The following PDE3A variants were observed in gnomAD, a reference collection of about 807,000 sequenced individuals.
PDE3A encodes the protein cGMP-inhibited 3',5'-cyclic phosphodiesterase 3A.
A neutral mutation model predicts 98.3 loss-of-function variants in PDE3A; 43 were observed. The observed-to-expected ratio is 0.44, with a 90% CI of 0.34 to 0.56. The LOEUF (loss-of-function observed/expected upper bound fraction) is 0.56. Among genes scored for constraint, PDE3A ranks in the 20% least tolerant of loss-of-function variants. The probability of loss-of-function intolerance (pLI) is 0.01; values close to 1 mark genes in which losing one functional copy is unlikely to be tolerated. For synonymous variants in PDE3A, 663 were observed against 567.9 expected, an observed-to-expected ratio of 1.17 and a Z score of -2.38; for missense variants, 1,427 against 1,440.7, an observed-to-expected ratio of 0.99 and a Z score of 0.15.
At chr12:20,438,249 A>G (rs1944811802) in intron 1 of PDE3A, among the ~76,000 whole-genome samples, 1 of 152,202 alleles carries the variant, frequency 6.6e-6, no homozygotes, top group South Asian at 2.1e-4. Flanking sequence ...TAAAATTTCA[A>G]TTTATCTTCA....
intron 11 of PDE3A, 56 bp from the exon 12 acceptor site, chr12:20,646,695 C>A: frequency 7.0e-7 from 1 of 1,421,426 alleles, no homozygotes; most frequent in Non-Finnish European, 9.9e-7. Flanking sequence ...GAAGTCAAGA[C>A]AAATAATGTC....
At chr12:20,509,599 A>G (rs1037465231) in intron 1 of PDE3A, among the ~76,000 whole-genome samples, 2 of 152,088 alleles carry the variant, frequency 1.3e-5, no homozygotes, top group African/African-American at 4.8e-5. Context: ...TTGGCCCTAT[A>G]AAAATCCCAG....
At chr12:20,436,334 A>G (rs1033097130) in intron 1 of PDE3A, among the ~76,000 whole-genome samples, 3 of 152,166 alleles carry the variant, frequency 2.0e-5, no homozygotes, top group Admixed American at 2.0e-4. Flanking sequence ...ATACTAAAAA[A>G]CAAAACAAAA....
chr12:20,657,506 C>T (rs1474104422), intron 15 of PDE3A, among the ~76,000 whole-genome samples: 1 of 152,138 alleles, frequency 6.6e-6, no homozygotes, highest in Admixed American at 6.5e-5. Flanking sequence ...AATATGGTAT[C>T]CTAGGAAAAG....
At chr12:20,609,957 T>C (rs759943444) in intron 2 of PDE3A, among the ~76,000 whole-genome samples, 1 of 151,530 alleles carries the variant, frequency 6.6e-6, no homozygotes, top group Admixed American at 6.6e-5. Context: ...GAAGAGAACA[T>C]GGGGGAAAGC....
At position 20,672,750 on chromosome 12, in the gene PDE3A, A is replaced by G. The variant is rs1187042703; in HGVS notation, c.3185-7280A>G. On this transcript the variant is annotated intron_variant, in intron 15 of 15. Transcript: ENST00000359062. Reference sequence around the variant, plus strand: ...AGACCTAAAACCATAAAAACCCTAGAAGAAAACCTAGGCATTACCATTCAG... The same window carrying G: ...AGACCTAAAACCATAAAAACCCTAGGAGAAAACCTAGGCATTACCATTCAG... Among the ~76,000 whole-genome samples, 7 of 133,226 alleles carry G rather than the reference A, an allele frequency of 5.3e-5. No homozygotes were observed. The South Asian group carries it at 1.7e-3, about 32-fold the overall frequency. The allele number at this position is 133,226 out of a possible 152,430, so 87.4% of individuals were successfully genotyped here.
intron 2 of PDE3A, among the ~76,000 whole-genome samples, chr12:20,590,460 G>A (rs1168164129): frequency 6.7e-6 from 1 of 150,092 alleles, no homozygotes; most frequent in African/African-American, 2.5e-5. Flanking sequence ...GAATAGTCTG[G>A]AGGAGAAAGG....
At chr12:20,421,879 A>G (rs1441333538) in intron 1 of PDE3A, among the ~76,000 whole-genome samples, 1 of 152,200 alleles carries the variant, frequency 6.6e-6, no homozygotes, top group East Asian at 1.9e-4. Context: ...AGCTCTGAGA[A>G]TAGCCTGTCT....
In PDE3A at chr12:20,556,737, A is replaced by ACGTTT. The variant is rs771755640; in HGVS notation, c.1011+36_1011+40dup. On this transcript the variant is annotated intron_variant, in intron 2 of 15. Transcript: ENST00000359062. ...TAAGTTTCTTTTCCTTTTCTTTTTC[A>ACGTTT]CGTTTCGTTTCGTAACACTTTCAGC... 69 of 1,575,136 alleles carry ACGTTT rather than the reference A, an allele frequency of 4.4e-5. No homozygotes were observed. The Middle Eastern group carries it at 5.0e-4, about 11-fold the overall frequency.
At chr12:20,561,802 T>G (rs905937735) in intron 2 of PDE3A, among the ~76,000 whole-genome samples, 13 of 152,214 alleles carry the variant, frequency 8.5e-5, no homozygotes, top group African/African-American at 3.1e-4. Context: ...ATACTTGTCC[T>G]ATAGAAAAAT....
chr12:20,600,181 A>G (rs1031353332), intron 2 of PDE3A, among the ~76,000 whole-genome samples: 4 of 152,126 alleles, frequency 2.6e-5, no homozygotes, highest in Admixed American at 6.5e-5. Context: ...ATGACCATAT[A>G]TATGTCTTCA....
chr12:20,418,542 T>A (rs923626513), intron 1 of PDE3A, among the ~76,000 whole-genome samples: 10 of 152,230 alleles, frequency 6.6e-5, no homozygotes, highest in African/African-American at 2.2e-4. Flanking sequence ...TGTGGTTATA[T>A]TTTTAAAAGG....
chr12:20,418,671 G>C (rs1266096511), intron 1 of PDE3A, among the ~76,000 whole-genome samples: 1 of 151,896 alleles, frequency 6.6e-6, no homozygotes, highest in Non-Finnish European at 1.5e-5. Flanking sequence ...CGTGGCAACT[G>C]TTTCCCTAAC....
chr12:20,442,718 T>A (rs891886699), intron 1 of PDE3A, among the ~76,000 whole-genome samples: 4 of 152,228 alleles, frequency 2.6e-5, no homozygotes, highest in African/African-American at 9.6e-5. Context: ...TGTAGCAGTT[T>A]GGAAGTGAAA....
chr12:20,426,810 C>T (rs1217057333), intron 1 of PDE3A, among the ~76,000 whole-genome samples: 4 of 152,066 alleles, frequency 2.6e-5, no homozygotes, highest in Non-Finnish European at 5.9e-5. Flanking sequence ...TGTATATGGC[C>T]GAAGCTTACA....
chr12:20,409,596 C>A (rs1328839516), intron 1 of PDE3A, among the ~76,000 whole-genome samples: 2 of 152,120 alleles, frequency 1.3e-5, no homozygotes, highest in Non-Finnish European at 2.9e-5. Context: ...AAATAGTGAT[C>A]TTACGAAATA....
intron 2 of PDE3A, among the ~76,000 whole-genome samples, chr12:20,565,991 T>C (rs987406370): frequency 5.3e-5 from 8 of 151,956 alleles, no homozygotes; most frequent in Admixed American, 4.6e-4. Context: ...AGCAGTTATG[T>C]TGTCAACATT....
intron 1 of PDE3A, among the ~76,000 whole-genome samples, chr12:20,408,717 T>C (rs898259554): frequency 2.0e-5 from 3 of 152,244 alleles, no homozygotes; most frequent in African/African-American, 7.2e-5. Flanking sequence ...GGAAAATATA[T>C]AATCCTGAGT....
chr12:20,443,030 G>A (rs1565550793), intron 1 of PDE3A, among the ~76,000 whole-genome samples: 1 of 151,974 alleles, frequency 6.6e-6, no homozygotes, highest in Non-Finnish European at 1.5e-5. Flanking sequence ...AGTGAACAGA[G>A]TTTGAATGAG....
Sources: allele counts gnomAD v4.1 joint callset (sites outside exome capture counted in the v4.1 genomes callset), GRCh38; gene constraint gnomAD v4.1.1; transcripts MANE v1.5; gene names NCBI Gene and HGNC (gene_info 2026-07-23, HGNC 2026-07-21).